The following PPM1L variants were observed in gnomAD, a reference collection of about 807,000 sequenced individuals.
The protein encoded by PPM1L is protein phosphatase 1L.
PPM1L carries 13 observed loss-of-function variants against 31.4 expected under a neutral mutation model. The ratio of observed to expected loss-of-function variants is 0.41; its 90% CI spans 0.27 to 0.66. The LOEUF is 0.66. Among genes scored for constraint, PPM1L ranks in the 30% least tolerant of loss-of-function variants. The pLI, the probability that PPM1L is intolerant of heterozygous loss-of-function variation, is 0.29. For missense variants in PPM1L, 326 were observed against 453.7 expected, an observed-to-expected ratio of 0.72 and a Z score of 2.56; for synonymous variants, 184 against 175.4, an observed-to-expected ratio of 1.05 and a Z score of -0.39.
At chr3:161,050,413 A>G (rs1030269030) in intron 2 of PPM1L, among the ~76,000 whole-genome samples, 1 of 152,216 alleles carries the variant, frequency 6.6e-6, no homozygotes, top group Non-Finnish European at 1.5e-5. Flanking sequence ...TCTATAAATG[A>G]GTCATATTGT....
intron 1 of PPM1L, among the ~76,000 whole-genome samples, chr3:160,859,031 G>A (rs1711809738): frequency 6.6e-6 from 1 of 152,160 alleles, no homozygotes; most frequent in Admixed American, 6.5e-5. Flanking sequence ...ACCCAGAATG[G>A]ATGGATCAGA....
chr3:161,046,956 A>G (rs1375731464), intron 2 of PPM1L, among the ~76,000 whole-genome samples: 4 of 152,180 alleles, frequency 2.6e-5, no homozygotes, highest in African/African-American at 4.8e-5. Context: ...AATAAGAGCT[A>G]CTTATGACAA....
intron 2 of PPM1L, among the ~76,000 whole-genome samples, chr3:161,004,969 T>G (rs1039766533): frequency 3.9e-5 from 6 of 152,214 alleles, no homozygotes; most frequent in African/African-American, 1.4e-4. Flanking sequence ...CTTTCTGTTG[T>G]GGGCATTTAG....
chr3:160,954,528 G>A (rs1222505369), intron 1 of PPM1L, among the ~76,000 whole-genome samples: 2 of 151,698 alleles, frequency 1.3e-5, no homozygotes, highest in African/African-American at 4.8e-5. Context: ...ACGCCTGGCT[G>A]TTTTTTTGTA....
chr3:160,756,822 A>T lies in PPM1L; in HGVS notation c.399+115A>T. On this transcript the variant is annotated intron_variant, in intron 1 of 3. Coordinates refer to ENST00000498165, the MANE Select transcript of PPM1L (RefSeq NM_139245.4). The surrounding 1 kb of genome is among the most constrained non-coding windows in gnomAD (Gnocchi z 6.2). The stretch of plus-strand genomic sequence containing the variant: ...AACAGGACAGCGTGTGCGCAGCGGG[A>T]GAGGATCTGGGTGCGAGGGGCGTGG... 1 of 1,197,080 alleles carries T rather than the reference A, an allele frequency of 8.4e-7. No individual in the cohort carries two copies. Among genetic ancestry groups the T allele is most frequent in the Non-Finnish European group, 1.1e-6 (1 of 873,344 alleles). The allele number at this position is 1,197,080 out of a possible 1,614,324, so 74.2% of individuals were successfully genotyped here.
At chr3:160,890,609 C>T (rs1478010420) in intron 1 of PPM1L, among the ~76,000 whole-genome samples, 2 of 152,158 alleles carry the variant, frequency 1.3e-5, no homozygotes, top group East Asian at 3.8e-4. Context: ...ACATTCTTCA[C>T]AGAGTTAGAA....
chr3:160,864,098 G>A (rs940910528), intron 1 of PPM1L, among the ~76,000 whole-genome samples: 2 of 152,112 alleles, frequency 1.3e-5, no homozygotes, highest in African/African-American at 2.4e-5. Context: ...AATTGCTGGG[G>A]TCTCACTGAG....
At chr3:160,767,697 A>G (rs1239353368) in intron 1 of PPM1L, among the ~76,000 whole-genome samples, 1 of 152,210 alleles carries the variant, frequency 6.6e-6, no homozygotes, top group Non-Finnish European at 1.5e-5. Context: ...GCCCTGTAGC[A>G]GTAAATCTTA....
chr3:160,808,387 G>C (rs796962142), intron 1 of PPM1L, among the ~76,000 whole-genome samples: 47,166 of 132,366 alleles, frequency 0.36, 10,521 homozygotes, highest in East Asian at 0.59. Flanking sequence ...ATTTTCCTGT[G>C]TGTGTGTGTG....
chr3:161,029,032 T>C (rs1014779704), intron 2 of PPM1L, among the ~76,000 whole-genome samples: 4 of 152,200 alleles, frequency 2.6e-5, no homozygotes, highest in Admixed American at 2.0e-4. Context: ...ATAATACTTA[T>C]TATTTTCCAC....
intron 1 of PPM1L, among the ~76,000 whole-genome samples, chr3:160,784,854 G>A (rs991041989): frequency 2.0e-5 from 3 of 152,180 alleles, no homozygotes; most frequent in Non-Finnish European, 2.9e-5. Context: ...TTAAGGGAAG[G>A]TTGAAGGAGG....
chr3:160,938,099 A>G (rs540711842), intron 1 of PPM1L, among the ~76,000 whole-genome samples: 1 of 152,348 alleles, frequency 6.6e-6, no homozygotes, highest in Non-Finnish European at 1.5e-5. Context: ...TATAATGTTG[A>G]AAATCAGTCA....
chr3:160,843,514 C>T (rs1189116765), intron 1 of PPM1L, among the ~76,000 whole-genome samples: 4 of 133,152 alleles, frequency 3.0e-5, no homozygotes, highest in Admixed American at 8.5e-5. Flanking sequence ...ATGTGCACAA[C>T]GTGCAGGTTT....
At chr3:160,871,532 A>G (rs1473317004) in intron 1 of PPM1L, among the ~76,000 whole-genome samples, 2 of 152,248 alleles carry the variant, frequency 1.3e-5, no homozygotes, top group African/African-American at 2.4e-5. Flanking sequence ...TTAAACCAAG[A>G]ACCTCAGCCA....
intron 1 of PPM1L, among the ~76,000 whole-genome samples, chr3:160,950,955 G>A (rs564910588): frequency 2.2e-4 from 34 of 152,298 alleles, no homozygotes; most frequent in Middle Eastern, 3.4e-3. Flanking sequence ...AAAGGGAAGG[G>A]AATTTTATCA....
chr3:161,020,214 A>G (rs1718203308), intron 2 of PPM1L, among the ~76,000 whole-genome samples: 1 of 152,178 alleles, frequency 6.6e-6, no homozygotes, highest in African/African-American at 2.4e-5. Context: ...TGGCATTTCA[A>G]AATATTTGAA....
Position 161,078,487 on chromosome 3 carries a change from C to G in PPM1L, c.*9330C>G, listed in dbSNP as rs1183215038. The G allele has an allele frequency of 6.6e-6, 1 of 152,174 alleles. No homozygotes were observed. Among genetic ancestry groups the G allele is most frequent in the Non-Finnish European group, 1.5e-5 (1 of 68,030 alleles). The allele number at this position is 152,174 out of a possible 1,614,324, so 9.4% of individuals were successfully genotyped here. ...CAAATTGTACTTAATAAATAAATCA[C>G]AGGTCAAAATGACTGTAAAATCAAT... is the stretch of plus-strand genomic sequence containing the variant. On this transcript the variant is annotated 3_prime_UTR_variant, in exon 4 of 4. Coordinates refer to ENST00000498165, the MANE Select transcript of PPM1L (RefSeq NM_139245.4).
At chr3:160,905,466 A>G (rs1264146808) in intron 1 of PPM1L, among the ~76,000 whole-genome samples, 1 of 152,152 alleles carries the variant, frequency 6.6e-6, no homozygotes, top group East Asian at 1.9e-4. Flanking sequence ...ACTTTATTTA[A>G]CTAGTTTTTT....
In PPM1L at chr3:160,917,642, T is replaced by C. The variant is rs558342873; in HGVS notation, c.400-44094T>C. Among the ~76,000 whole-genome samples the C allele has an allele frequency of 2.6e-5, 4 of 151,872 alleles. No homozygotes were observed. In the South Asian group the frequency reaches 8.3e-4, roughly 32 times the overall value. On this transcript the variant is annotated intron_variant, in intron 1 of 3. Transcript: ENST00000498165. ...CTATTAAAAGCAAAAAAGGTGGGAG[T>C]TGTGGGGAGGTGGTGGTAAAGAGGG...
Sources: gnomAD v4.1 joint callset for allele counts (sites outside exome capture counted in the v4.1 genomes callset) on GRCh38, gnomAD v4.1.1 for gene constraint, Gnocchi (gnomAD v3.1) non-coding constraint, MANE v1.5 for transcripts, NCBI Gene and HGNC (gene_info 2026-07-23, HGNC 2026-07-21) for gene names.